The following ATAD2B variants were observed in gnomAD, a reference collection of about 807,000 sequenced individuals.
ATAD2B encodes the protein ATPase family AAA domain containing 2B.
A neutral mutation model predicts 167.6 loss-of-function variants in ATAD2B; 40 were observed. The ratio of observed to expected loss-of-function variants is 0.24; its 90% CI spans 0.19 to 0.31. The LOEUF (loss-of-function observed/expected upper bound fraction) is 0.31, where lower values mean the gene tolerates loss of function less well. Ranked by LOEUF, ATAD2B falls within the 10% of genes least tolerant of loss-of-function variation. The pLI is 1.00. For synonymous variants in ATAD2B, 579 were observed against 596.5 expected, an observed-to-expected ratio of 0.97 and a Z score of 0.43; for missense variants, 1,242 against 1,757.2, an observed-to-expected ratio of 0.71 and a Z score of 5.24.
At chr2:23,821,234 G>C (rs961538066) in intron 16 of ATAD2B, among the ~76,000 whole-genome samples, 1 of 152,120 alleles carries the variant, frequency 6.6e-6, no homozygotes, top group Non-Finnish European at 1.5e-5. Flanking sequence ...AGAAAACATA[G>C]ATAATAATGC....
chr2:23,800,730 A>G (rs1394532532), intron 18 of ATAD2B, among the ~76,000 whole-genome samples: 1 of 152,054 alleles, frequency 6.6e-6, no homozygotes, highest in Non-Finnish European at 1.5e-5. Context: ...AAAATTAACA[A>G]ATTGAACATG....
chr2:23,743,300 C>T, the ATAD2B span, among the ~76,000 whole-genome samples: 1 of 152,166 alleles, frequency 6.6e-6, no homozygotes, highest in Non-Finnish European at 1.5e-5. Flanking sequence ...GGCGCAGTAG[C>T]TCATGCCTGT....
At chr2:23,707,983 G>A in the ATAD2B span, 3 of 152,234 alleles carry the variant, frequency 2.0e-5, no homozygotes, top group African/African-American at 7.2e-5. Flanking sequence ...TTCCATTCCA[G>A]GGCAGGAGAA....
At chr2:23,843,611 A>G (rs1442270747) in intron 13 of ATAD2B, among the ~76,000 whole-genome samples, 2 of 152,240 alleles carry the variant, frequency 1.3e-5, no homozygotes, top group Non-Finnish European at 2.9e-5. Context: ...TCTACAGGAA[A>G]AAGTACCACA....
chr2:23,823,455 G>T lies in ATAD2B; in HGVS notation c.1934C>A (p.Ser645Ter). 6.2e-7 allele frequency: 1 copy of T among 1,613,956 alleles called. No individual in the cohort carries two copies. Among genetic ancestry groups the T allele is most frequent in the Non-Finnish European group, 8.5e-7 (1 of 1,179,892 alleles). Reference sequence around the variant, plus strand: ...AAAATCTTGGGCACTAAGCACTATTGAGGAAACATCCAGCTGCAGTTTATG... The same window carrying T: ...AAAATCTTGGGCACTAAGCACTATTTAGGAAACATCCAGCTGCAGTTTATG... Reference protein sequence around the residue: ...SSHKLQLDVSSIVLSAQDFYH... With the variant: ...SSHKLQLDVS Residue 645 changes from serine (S) to a stop codon, truncating the protein, a stop_gained, in exon 16 of 28, where the codon TCA (serine) becomes TAA (stop). Transcript: ENST00000238789. LOFTEE classifies it high-confidence loss of function.
intron 1 of ATAD2B, among the ~76,000 whole-genome samples, chr2:23,924,113 G>GT (rs1474601023): frequency 1.3e-5 from 2 of 151,936 alleles, no homozygotes; most frequent in African/African-American, 2.4e-5. Context: ...AACCCCGGGG[G>GT]GCGGAGCCTG....
At chr2:23,876,759 G>A (rs542223734) in intron 7 of ATAD2B, among the ~76,000 whole-genome samples, 197 of 152,096 alleles carry the variant, frequency 1.3e-3, no homozygotes, top group African/African-American at 4.7e-3. Context: ...AGATTTCTTA[G>A]ATACATGATC....
the ATAD2B span, chr2:23,696,601 T>C: frequency 4.1e-5 from 44 of 1,061,028 alleles, no homozygotes; most frequent in South Asian, 7.1e-4. This position sits in a 1 kb window ranked among gnomAD's most constrained non-coding sequence, Gnocchi z 5.5. Flanking sequence ...CAACACCCAC[T>C]CAGTGGCGAT....
chr2:23,890,811 T>C (rs1430595930), intron 2 of ATAD2B, among the ~76,000 whole-genome samples: 1 of 152,222 alleles, frequency 6.6e-6, no homozygotes, highest in Non-Finnish European at 1.5e-5. Flanking sequence ...ATAAGCTTTT[T>C]GTCTGCTCTA....
At chr2:23,883,547 T>G in intron 6 of ATAD2B, 1 of 1,108,090 alleles carries the variant, frequency 9.0e-7, no homozygotes, top group Non-Finnish European at 1.2e-6. Context: ...TCTACAAAGA[T>G]GTTCAGTTAA....
Position 23,823,286 on chromosome 2 carries a change from A to T in ATAD2B, c.2103T>A (p.Ala701=), listed in dbSNP as rs775428044. ...CTTTTTTGTCACTCTGGCTAATTTC[A>T]GCATGAGGAAACACTTTTTGCAAGA... is the stretch of plus-strand genomic sequence containing the variant. The part of the protein sequence containing the change: ...LAVLQKVFPH[A]EISQSDKKED... The change falls in exon 16 of 28, where the codon GCT becomes GCA. Residue 701 remains alanine, a synonymous_variant. Coordinates refer to ENST00000238789, the MANE Select transcript of ATAD2B (RefSeq NM_017552.4). 15 of 1,612,244 alleles carry T rather than the reference A, an allele frequency of 9.3e-6. No homozygotes were observed. In the Admixed American group the frequency reaches 1.5e-4, roughly 16 times the overall value.
the ATAD2B span, among the ~76,000 whole-genome samples, chr2:23,706,224 T>C: frequency 6.6e-6 from 1 of 152,212 alleles, no homozygotes; most frequent in Non-Finnish European, 1.5e-5. Context: ...TAGCCATGGT[T>C]AGTCACTCTG....
intron 13 of ATAD2B, among the ~76,000 whole-genome samples, 153 bp from the exon 14 acceptor site, chr2:23,834,231 G>A (rs940406446): frequency 3.4e-4 from 43 of 125,000 alleles, no homozygotes; most frequent in African/African-American, 1.3e-3. Flanking sequence ...GTGCAATCTC[G>A]GCTCACTGCA....
chr2:23,904,700 G>A (rs529958571), intron 1 of ATAD2B, among the ~76,000 whole-genome samples: 58 of 152,220 alleles, frequency 3.8e-4, no homozygotes, highest in Admixed American at 2.1e-3. Context: ...TTTCCCCCAA[G>A]TTAGATCAGA....
At position 23,765,534 on chromosome 2, in the gene ATAD2B, C is replaced by T; in HGVS notation, c.3228G>A (p.Glu1076=). The change falls in exon 23 of 28, where the codon GAG becomes GAA. Residue 1076 remains glutamate (E), a synonymous_variant. Transcript: ENST00000238789. Reference sequence around the variant, plus strand: ...TTTTTATTCTTGCTTCCTTAATTTCCTCACAAAGTTTATTAAATTCTGGAT... The same window carrying T: ...TTTTTATTCTTGCTTCCTTAATTTCTTCACAAAGTTTATTAAATTCTGGAT... ...ELDPEFNKLC[E]EIKEARIKRG... 6.3e-7 allele frequency: 1 copy of T among 1,588,180 alleles called. No homozygotes were observed. The highest frequency in any genetic ancestry group is 8.6e-7 in the Non-Finnish European group (1 of 1,163,896).
intron 2 of ATAD2B, among the ~76,000 whole-genome samples, chr2:23,891,898 C>T (rs1699560999): frequency 6.6e-6 from 1 of 152,208 alleles, no homozygotes; most frequent in Admixed American, 6.5e-5. Flanking sequence ...GGGGCACACG[C>T]TATTGCAATA....
chr2:23,703,391 C>G, the ATAD2B span: 1 of 1,477,906 alleles, frequency 6.8e-7, no homozygotes, highest in Non-Finnish European at 9.0e-7. Context: ...TGAGAACCAG[C>G]GGTGTCCTCA....
At chr2:23,913,188 T>C (rs1047796529) in intron 1 of ATAD2B, among the ~76,000 whole-genome samples, 4 of 152,026 alleles carry the variant, frequency 2.6e-5, no homozygotes, top group African/African-American at 9.7e-5. Context: ...AAACTGACAA[T>C]ATATTAGGCC....
chr2:23,764,772 T>C (rs1399151980), intron 23 of ATAD2B, among the ~76,000 whole-genome samples: 2 of 145,806 alleles, frequency 1.4e-5, no homozygotes, highest in African/African-American at 2.5e-5. Context: ...GCATTCTGTA[T>C]TTCTTTAGCA....
Sources: gnomAD v4.1 joint callset for allele counts (sites outside exome capture counted in the v4.1 genomes callset) on GRCh38, gnomAD v4.1.1 for gene constraint, Gnocchi (gnomAD v3.1) non-coding constraint, MANE v1.5 for transcripts, NCBI Gene and HGNC (gene_info 2026-07-23, HGNC 2026-07-21) for gene names.